Variants in CIMIP1 observed in about 807,000 individuals in gnomAD.
CIMIP1 encodes ciliary microtubule inner protein 1, also known as low in lung cancer 1.
At chr20:58,160,745 G>C in the CIMIP1 span, 1 of 1,614,164 alleles carries the variant, frequency 6.2e-7, no homozygotes, top group African/African-American at 1.3e-5. Context: ...CAAGTGCCTA[G>C]AGCTCGACGA....
At chr20:58,160,677 C>G in the CIMIP1 span, 10 of 1,613,906 alleles carry the variant, frequency 6.2e-6, 1 homozygote, top group South Asian at 7.7e-5. Context: ...CCATCCCCCC[C>G]AGTCCCACAG....
At chr20:58,153,824 G>A in the CIMIP1 span, among the ~76,000 whole-genome samples, 6 of 152,272 alleles carry the variant, frequency 3.9e-5, no homozygotes, top group Admixed American at 6.5e-5. Context: ...TAGGTGCTTC[G>A]GCAGAACCAG....
chr20:58,156,306 C>G, the CIMIP1 span, among the ~76,000 whole-genome samples: 2 of 152,076 alleles, frequency 1.3e-5, no homozygotes, highest in Admixed American at 1.3e-4. Context: ...GAGCTGAGGA[C>G]TGAAGGATGA....
the CIMIP1 span, among the ~76,000 whole-genome samples, chr20:58,155,835 T>C: frequency 6.6e-6 from 1 of 152,158 alleles, no homozygotes; most frequent in African/African-American, 2.4e-5. Context: ...TCTTCATGCG[T>C]TCTTTCAGCA....
the CIMIP1 span, among the ~76,000 whole-genome samples, chr20:58,156,124 C>T: frequency 1.3e-5 from 2 of 152,182 alleles, no homozygotes; most frequent in Non-Finnish European, 2.9e-5. Context: ...GTTGGGAAAA[C>T]AGTAATGAAC....
chr20:58,160,924 C>A, the CIMIP1 span: 1 of 1,294,396 alleles, frequency 7.7e-7, no homozygotes, highest in Non-Finnish European at 1.0e-6. Flanking sequence ...AGGACACAGT[C>A]CCCTGCGTAC....
chr20:58,151,665 G>A, the CIMIP1 span, among the ~76,000 whole-genome samples: 8 of 151,846 alleles, frequency 5.3e-5, no homozygotes, highest in African/African-American at 1.7e-4. Context: ...CACCCGCCTC[G>A]GCCTCCCAAA....
chr20:58,159,727 AGCTGC>A, the CIMIP1 span, among the ~76,000 whole-genome samples: 1 of 152,272 alleles, frequency 6.6e-6, no homozygotes, highest in African/African-American at 2.4e-5. Context: ...CAGCTTTGAG[AGCTGC>A]TTCCCTTCTG....
At chr20:58,157,128 A>T in the CIMIP1 span, among the ~76,000 whole-genome samples, 1 of 152,278 alleles carries the variant, frequency 6.6e-6, no homozygotes, top group Admixed American at 6.5e-5. Flanking sequence ...CATGATTAAC[A>T]TTTTGGGGGT....
chr20:58,152,054 A>G, the CIMIP1 span, among the ~76,000 whole-genome samples: 1 of 152,104 alleles, frequency 6.6e-6, no homozygotes, highest in African/African-American at 2.4e-5. Flanking sequence ...ATTTCCTTGT[A>G]AAACCTCTAT....
the CIMIP1 span, among the ~76,000 whole-genome samples, chr20:58,154,160 G>T: frequency 6.6e-6 from 1 of 152,212 alleles, no homozygotes; most frequent in Non-Finnish European, 1.5e-5. Flanking sequence ...AAGATGACAA[G>T]TCCAGAAGTC....
At chr20:58,160,886 G>C in the CIMIP1 span, 1 of 1,542,066 alleles carries the variant, frequency 6.5e-7, no homozygotes, top group African/African-American at 1.4e-5. Context: ...GGCCATGCCA[G>C]GGAAAGGAAG....
At chr20:58,157,047 G>C in the CIMIP1 span, among the ~76,000 whole-genome samples, 1 of 152,160 alleles carries the variant, frequency 6.6e-6, no homozygotes, top group East Asian at 1.9e-4. Flanking sequence ...GCAATATAGA[G>C]TCACTGCTAA....
the CIMIP1 span, among the ~76,000 whole-genome samples, chr20:58,152,757 G>A: frequency 7.0e-6 from 1 of 143,476 alleles, no homozygotes; most frequent in Non-Finnish European, 1.5e-5. Context: ...ACTGTCACCT[G>A]TTTATTCTTA....
the CIMIP1 span, chr20:58,155,477 T>C: frequency 6.2e-7 from 1 of 1,613,710 alleles, no homozygotes. Flanking sequence ...GTTGATCAAG[T>C]GTGAAGAAGA....
chr20:58,159,531 A>C, the CIMIP1 span, among the ~76,000 whole-genome samples: 2 of 152,126 alleles, frequency 1.3e-5, no homozygotes, highest in Admixed American at 6.5e-5. Flanking sequence ...GGAAAAAAAA[A>C]AAAAGATAAT....
chr20:58,150,952 G>GC, the CIMIP1 span: 31 of 1,598,888 alleles, frequency 1.9e-5, no homozygotes, highest in Non-Finnish European at 2.5e-5. Flanking sequence ...GGCGCACAGA[G>GC]CCCCCAGGCC....
At chr20:58,151,278 G>A in the CIMIP1 span, among the ~76,000 whole-genome samples, 1 of 152,054 alleles carries the variant, frequency 6.6e-6, no homozygotes, top group Non-Finnish European at 1.5e-5. Context: ...CGAAGACGTG[G>A]GAGATTGGCT....
chr20:58,152,722 CAAAAAAA>C, the CIMIP1 span, among the ~76,000 whole-genome samples: 7 of 84,888 alleles, frequency 8.2e-5, no homozygotes, highest in South Asian at 4.8e-4. Flanking sequence ...GAAACTCCAT[CAAAAAAA>C]AAAAAAAAAA....
Sources: allele counts gnomAD v4.1 joint callset (sites outside exome capture counted in the v4.1 genomes callset), GRCh38; gene constraint gnomAD v4.1.1; transcripts MANE v1.5; gene names NCBI Gene and HGNC (gene_info 2026-07-23, HGNC 2026-07-21).